MYO5A: variants seen among roughly 807,000 people sequenced by gnomAD.
The protein encoded by MYO5A is unconventional myosin-Va.
In MYO5A, 98 loss-of-function variants were observed where a neutral mutation model predicts 249.7. The observed-to-expected ratio is 0.39, with a 90% CI of 0.33 to 0.46. The LOEUF is 0.46. Among genes scored for constraint, MYO5A ranks in the 20% least tolerant of loss-of-function variants. The pLI is 0.98. For synonymous variants in MYO5A, 778 were observed against 810.6 expected (o/e 0.96, Z 0.68); for missense variants, 1,696 against 2,308.8 (o/e 0.73, Z 5.44).
At chr15:52,332,439 A>G (rs2038933856) in intron 34 of MYO5A, among the ~76,000 whole-genome samples, 1 of 152,210 alleles carries the variant, frequency 6.6e-6, no homozygotes, top group African/African-American at 2.4e-5. Flanking sequence ...TTTTACTAAG[A>G]AAGTTTATGT....
chr15:52,393,607 A>ATG (rs1172590544), intron 11 of MYO5A, among the ~76,000 whole-genome samples: 9 of 152,040 alleles, frequency 5.9e-5, no homozygotes, highest in Admixed American at 2.0e-4. Flanking sequence ...GTTAGCCAGG[A>ATG]CAGTCTCGAT....
At chr15:52,443,250 T>C (rs1439672863) in intron 1 of MYO5A, among the ~76,000 whole-genome samples, 1 of 152,168 alleles carries the variant, frequency 6.6e-6, no homozygotes, top group African/African-American at 2.4e-5. Context: ...GACAAGAGAA[T>C]GAAGGCTCTA....
intron 13 of MYO5A, 98 bp from the exon 14 acceptor site, chr15:52,388,010 A>G: frequency 1.1e-6 from 1 of 894,610 alleles, no homozygotes; most frequent in South Asian, 1.4e-5. Context: ...AGGCTATACG[A>G]TCAACTCTCA....
intron 25 of MYO5A, 82 bp from the exon 26 acceptor site, chr15:52,354,096 G>A: frequency 6.6e-7 from 1 of 1,509,104 alleles, no homozygotes; most frequent in Non-Finnish European, 9.1e-7. Flanking sequence ...CAGCTCAATG[G>A]AAAAATAGGC....
At chr15:52,364,133 G>A (rs1409617106) in intron 24 of MYO5A, among the ~76,000 whole-genome samples, 2 of 151,954 alleles carry the variant, frequency 1.3e-5, no homozygotes, top group Non-Finnish European at 2.9e-5. Flanking sequence ...AGCTACTCGG[G>A]AGGCTGAGGC....
intron 1 of MYO5A, among the ~76,000 whole-genome samples, chr15:52,466,310 T>A (rs1217548900): frequency 6.6e-6 from 1 of 151,988 alleles, no homozygotes; most frequent in South Asian, 2.1e-4. Flanking sequence ...CAGCCAGAAC[T>A]GAGAAATGAG....
chr15:52,435,053 T>A (rs1402361971), intron 1 of MYO5A, among the ~76,000 whole-genome samples: 1 of 152,214 alleles, frequency 6.6e-6, no homozygotes, highest in Non-Finnish European at 1.5e-5. Context: ...ATGACTATTC[T>A]AAGTACTGGG....
chr15:52,493,744 AGT>A (rs2076982340), intron 1 of MYO5A, among the ~76,000 whole-genome samples: 1 of 152,232 alleles, frequency 6.6e-6, no homozygotes, highest in African/African-American at 2.4e-5. Flanking sequence ...CATTAGGCTC[AGT>A]GTGTCTAAAA....
At chr15:52,424,670 G>A (rs1287553677) in intron 4 of MYO5A, among the ~76,000 whole-genome samples, 2 of 152,194 alleles carry the variant, frequency 1.3e-5, no homozygotes, top group African/African-American at 4.8e-5. Flanking sequence ...AAAAACCTCT[G>A]CAGTATTAGT....
At chr15:52,321,792 T>TAAAAAAAAAAAAAAAAAAAAAAAAAAAAA (rs71875115) in intron 37 of MYO5A, among the ~76,000 whole-genome samples, 1 of 92,842 alleles carries the variant, frequency 1.1e-5, no homozygotes, top group Non-Finnish European at 2.2e-5. Flanking sequence ...GGAACTTAAC[T>TAAAAAAAAAAAAAAAAAAAAAAAAAAAAA]AAAAAAAAAA....
intron 1 of MYO5A, among the ~76,000 whole-genome samples, chr15:52,471,562 C>T (rs1381993656): frequency 2.0e-5 from 3 of 150,320 alleles, no homozygotes; most frequent in East Asian, 3.9e-4. Context: ...TGAGGCCAGC[C>T]TGGGCAACAC....
intron 14 of MYO5A, 21 bp downstream of exon 14, chr15:52,387,808 A>G: frequency 6.6e-7 from 1 of 1,507,598 alleles, no homozygotes; most frequent in East Asian, 2.3e-5. Flanking sequence ...CCTGGATTAG[A>G]GTAAGCCTAT....
At chr15:52,477,270 G>A (rs1241866738) in intron 1 of MYO5A, among the ~76,000 whole-genome samples, 1 of 152,174 alleles carries the variant, frequency 6.6e-6, no homozygotes, top group Non-Finnish European at 1.5e-5. Flanking sequence ...TCTCTACGCT[G>A]TTTACTCTAG....
At chr15:52,447,225 T>C (rs1046496753) in intron 1 of MYO5A, among the ~76,000 whole-genome samples, 2 of 152,162 alleles carry the variant, frequency 1.3e-5, no homozygotes, top group Admixed American at 6.5e-5. Context: ...GGCTTGGTGC[T>C]GTCTTCGTGA....
intron 2 of MYO5A, among the ~76,000 whole-genome samples, chr15:52,431,231 C>CAAGAAAAAAAAAAA (rs2075526806): frequency 2.2e-5 from 1 of 45,850 alleles, no homozygotes; most frequent in Admixed American, 4.2e-4. Context: ...AATTCCGTCT[C>CAAGAAAAAAAAAAA]AAAAAAAAAA....
chr15:52,365,503 T>C (rs551389895), intron 23 of MYO5A, among the ~76,000 whole-genome samples: 34 of 152,332 alleles, frequency 2.2e-4, no homozygotes, highest in East Asian at 1.9e-3. Context: ...GTCACATTTA[T>C]AATATTAAGC....
At chr15:52,365,213 C>T (rs757198058) in intron 23 of MYO5A, among the ~76,000 whole-genome samples, 3 of 152,208 alleles carry the variant, frequency 2.0e-5, no homozygotes, top group African/African-American at 4.8e-5. Context: ...ACGTTTTCTA[C>T]GACTTTAACC....
In MYO5A at chr15:52,428,636, T is replaced by C. The variant is rs563341616; in HGVS notation, c.139-67A>G. 58 of 1,538,808 alleles carry C rather than the reference T, an allele frequency of 3.8e-5. No homozygotes were observed. The African/African-American group carries it at 6.5e-4, about 17-fold the overall frequency. Reference sequence around the variant, plus strand: ...AGGACTGTGAAAGAGGCCCATGCATTTTGCTTACTTCCTATTCCTGATTTG... The same window carrying C: ...AGGACTGTGAAAGAGGCCCATGCATCTTGCTTACTTCCTATTCCTGATTTG... On this transcript the variant is annotated intron_variant, in intron 2 of 41. Coordinates refer to ENST00000399233, the MANE Select transcript of MYO5A (RefSeq NM_001382347.1).
At chr15:52,418,980 A>C (rs929903008) in intron 4 of MYO5A, among the ~76,000 whole-genome samples, 3 of 152,218 alleles carry the variant, frequency 2.0e-5, no homozygotes, top group African/African-American at 7.2e-5. Flanking sequence ...CATATCTTCC[A>C]AGATCATCAA....
Sources: allele counts gnomAD v4.1 joint callset (sites outside exome capture counted in the v4.1 genomes callset), GRCh38; gene constraint gnomAD v4.1.1; transcripts MANE v1.5; gene names NCBI Gene and HGNC (gene_info 2026-07-23, HGNC 2026-07-21).